The following SOX9 variants were observed in gnomAD, a reference collection of about 807,000 sequenced individuals.
SOX9 encodes the protein transcription factor SOX-9.
In SOX9, 2 loss-of-function variants were observed where a neutral mutation model predicts 44.8. The observed-to-expected ratio is 0.04, with a 90% confidence interval of 0.02 to 0.14. The LOEUF is 0.14. Ranked by LOEUF, SOX9 falls within the 10% of genes least tolerant of loss-of-function variation. The pLI is 1.00. For synonymous variants in SOX9, 381 were observed against 331.8 expected (o/e 1.15, Z -1.61); for missense variants, 583 against 728.6 (o/e 0.80, Z 2.30).
Position 72,122,806 on chromosome 17 carries a change from G to A in SOX9, c.519G>A (p.Lys173=), listed in dbSNP as rs202115157. Residue 173 remains lysine (K), a synonymous_variant, in exon 2 of 3, where the codon AAG becomes AAA. Transcript: ENST00000245479. ...VQHKKDHPDY[K]YQPRRRKSVK... ...ACAAGAAGGACCACCCGGATTACAA[G>A]TACCAGCCGCGGCGGAGGAAGTCGG... 3.3e-5 allele frequency: 53 copies of A among 1,614,166 alleles called. 1 individual carries two copies. In the East Asian group the frequency reaches 1.1e-3, roughly 35 times the overall value.
In SOX9 at chr17:72,124,601, A is replaced by G; in HGVS notation, c.*214A>G. ...ACACAAACATGACCTATCCAAGCGC[A>G]TTACCCACTTGTGGCCAATCAGTGG... On this transcript the variant is annotated 3_prime_UTR_variant, in exon 3 of 3. Coordinates refer to ENST00000245479, the MANE Select transcript of SOX9 (RefSeq NM_000346.4). The surrounding 1 kb of genome is among the most constrained non-coding windows in gnomAD (Gnocchi z 4.6). 3.1e-6 allele frequency: 2 copies of G among 651,620 alleles called. No individual in the cohort carries two copies. The highest frequency in any genetic ancestry group is 5.4e-6 in the Non-Finnish European group (2 of 372,920). The allele number at this position is 651,620 out of a possible 1,614,324, so 40.4% of individuals were successfully genotyped here. A position where few individuals can be genotyped will look rare whatever the true frequency, so the allele number is the denominator to read the frequency against.
Position 72,121,834 on chromosome 17 carries a change from C to CG in SOX9, c.431+17dup. ...GGCAAGCTCTGGAGGTAGGACCCGG[C>CG]GGGGGCGGCGCGGCAGGGTGGGCAT... On this transcript the variant is annotated intron_variant, in intron 1 of 2. Transcript: ENST00000245479. The surrounding 1 kb of genome is among the most constrained non-coding windows in gnomAD (Gnocchi z 8.3). 1 of 1,547,738 alleles carries CG rather than the reference C, an allele frequency of 6.5e-7. No homozygotes were observed. The highest frequency in any genetic ancestry group is 8.7e-7 in the Non-Finnish European group (1 of 1,146,650).
rs139253700 is a variant in SOX9 at position 72,124,114 on chromosome 17, C to T, written c.1257C>T (p.Ala419=). The T allele has an allele frequency of 6.2e-7, 1 of 1,613,726 alleles. No individual in the cohort carries two copies. Among genetic ancestry groups the T allele is most frequent in the African/African-American group, 1.3e-5 (1 of 74,954 alleles). Residue 419 remains alanine, a synonymous_variant, in exon 3 of 3, where the codon GCC becomes GCT. Coordinates refer to ENST00000245479, the MANE Select transcript of SOX9 (RefSeq NM_000346.4). The surrounding 1 kb of genome is among the most constrained non-coding windows in gnomAD (Gnocchi z 4.6). ...EQQQHSPQQI[A]YSPFNLPHYS... The stretch of plus-strand genomic sequence containing the variant: ...AGCAGCACTCGCCCCAACAGATCGC[C>T]TACAGCCCCTTCAACCTCCCACACT...
rs62070123 is a variant in SOX9 at position 72,125,923 on chromosome 17, T to G, written c.*1536T>G. On this transcript the variant is annotated 3_prime_UTR_variant, in exon 3 of 3. Transcript: ENST00000245479. ...TGTGTGTGTGTGGGTGTGTGTGTGT[T>G]TTGACACAAAAACAATGCAAGCATG... 1 of 232,438 alleles carries G rather than the reference T, an allele frequency of 4.3e-6. No individual in the cohort carries two copies. The highest frequency in any genetic ancestry group is 8.5e-6 in the Non-Finnish European group (1 of 117,506). The allele number at this position is 232,438 out of a possible 1,614,324, so 14.4% of individuals were successfully genotyped here. A position where few individuals can be genotyped will look rare whatever the true frequency, so the allele number is the denominator to read the frequency against.
In SOX9 at chr17:72,126,404, A is replaced by G. The variant is rs1399014913; in HGVS notation, c.*2017A>G. The stretch of plus-strand genomic sequence containing the variant: ...ATATTATTGTTTACAATAAATATAC[A>G]TTGCATTAAAAAGAAAGTGGCCCTG... On this transcript the variant is annotated 3_prime_UTR_variant, in exon 3 of 3. Coordinates refer to ENST00000245479, the MANE Select transcript of SOX9 (RefSeq NM_000346.4). 3 of 226,168 alleles carry G rather than the reference A, an allele frequency of 1.3e-5. No homozygotes were observed. Among genetic ancestry groups the G allele is most frequent in the African/African-American group, 6.8e-5 (3 of 44,328 alleles). The allele number at this position is 226,168 out of a possible 1,614,324, so 14.0% of individuals were successfully genotyped here.
intron 1 of SOX9, among the ~76,000 whole-genome samples, chr17:72,122,455 G>A (rs1245365393): frequency 7.6e-6 from 1 of 131,956 alleles, no homozygotes; most frequent in Non-Finnish European, 1.6e-5. Context: ...TTCATCTCCA[G>A]CGTTTCCAAA....
At position 72,124,769 on chromosome 17, in the gene SOX9, A is replaced by G; in HGVS notation, c.*382A>G. On this transcript the variant is annotated 3_prime_UTR_variant, in exon 3 of 3. Transcript: ENST00000245479. This position sits in a 1 kb window ranked among gnomAD's most constrained non-coding sequence, Gnocchi z 4.6. ...CTCTGCCTGTTTGGACTTTGTAATT[A>G]TTTTTTTAGCAGTAATTAAAGAAAA... 1 of 387,868 alleles carries G rather than the reference A, an allele frequency of 2.6e-6. No homozygotes were observed. Among genetic ancestry groups the G allele is most frequent in the Non-Finnish European group, 4.7e-6 (1 of 211,212 alleles). The allele number at this position is 387,868 out of a possible 1,614,324, so 24.0% of individuals were successfully genotyped here.
rs1356174793 is a variant in SOX9 at position 72,125,039 on chromosome 17, A to T, written c.*652A>T. 2.2e-5 allele frequency: 5 copies of T among 227,334 alleles called. No individual in the cohort carries two copies. The highest frequency in any genetic ancestry group is 3.5e-5 in the Non-Finnish European group (4 of 114,122). 14.1% of individuals were successfully genotyped at this position (227,334 alleles called of 1,614,324 possible). ...AAAATCCTGTTGTATTAACATTTAAAAACAGAATTGTGTTATGTGATCAGT... is the reference window on the plus strand; with the variant it reads ...AAAATCCTGTTGTATTAACATTTAATAACAGAATTGTGTTATGTGATCAGT... On this transcript the variant is annotated 3_prime_UTR_variant, in exon 3 of 3. Coordinates refer to ENST00000245479, the MANE Select transcript of SOX9 (RefSeq NM_000346.4).
chr17:72,125,043 A>G lies in SOX9; in HGVS notation c.*656A>G, dbSNP rs1908240459. On this transcript the variant is annotated 3_prime_UTR_variant, in exon 3 of 3. Transcript: ENST00000245479. ...TCCTGTTGTATTAACATTTAAAAACAGAATTGTGTTATGTGATCAGTTTTG... is the reference window on the plus strand; with the variant it reads ...TCCTGTTGTATTAACATTTAAAAACGGAATTGTGTTATGTGATCAGTTTTG... 2 of 227,082 alleles carry G rather than the reference A, an allele frequency of 8.8e-6. No homozygotes were observed. Among genetic ancestry groups the G allele is most frequent in the Non-Finnish European group, 1.8e-5 (2 of 113,990 alleles). 14.1% of individuals were successfully genotyped at this position (227,082 alleles called of 1,614,324 possible).
Position 72,125,648 on chromosome 17 carries a change from T to C in SOX9, c.*1261T>C, listed in dbSNP as rs1363315231. The C allele has an allele frequency of 1.8e-5, 4 of 228,362 alleles. 1 individual carries two copies. The highest frequency in any genetic ancestry group is 1.1e-4 in the Admixed American group (2 of 17,580). The allele number at this position is 228,362 out of a possible 1,614,324, so 14.1% of individuals were successfully genotyped here. ...GTCATCTGTTGTTAAATTATGTTCT[T>C]AACTGTAACCAGTTTTTTTTTATTT... is the stretch of plus-strand genomic sequence containing the variant. On this transcript the variant is annotated 3_prime_UTR_variant, in exon 3 of 3. Transcript: ENST00000245479.
In SOX9 at chr17:72,123,893, C is replaced by G. The variant is rs1462690222; in HGVS notation, c.1036C>G (p.Pro346Ala). The G allele has an allele frequency of 3.4e-6, 5 of 1,465,348 alleles. No individual in the cohort carries two copies. The highest frequency in any genetic ancestry group is 4.5e-6 in the Non-Finnish European group (5 of 1,110,908). The allele number at this position is 1,465,348 out of a possible 1,614,324, so 90.8% of individuals were successfully genotyped here. ...CAAGCAGCAGGCGCCGCCGCCACCC[C>G]CGCAGCAGCCCCCACAGGCCCCGCC... Reference protein sequence around the residue: ...MSKQQAPPPPPQQPPQAPPAP... With the variant: ...MSKQQAPPPPAQQPPQAPPAP... Residue 346 changes from proline to alanine, a missense_variant, in exon 3 of 3, where the codon CCG becomes GCG. By Grantham distance (27) the Pro-to-Ala change is conservative (BLOSUM62 -1). Transcript: ENST00000245479. This position sits in a 1 kb window ranked among gnomAD's most constrained non-coding sequence, Gnocchi z 6.5.
Position 72,123,674 on chromosome 17 carries a change from G to C in SOX9, c.817G>C (p.Val273Leu), listed in dbSNP as rs201477430. 3.7e-5 allele frequency: 60 copies of C among 1,611,884 alleles called. 1 individual carries two copies. Among genetic ancestry groups the C allele is most frequent in the Middle Eastern group, 3.3e-4 (2 of 6,052 alleles). ...GRQPPIDFRD[V>L]DIGELSSDVI... is the part of the protein sequence containing the mutation. ...ACAGCCCCCTATCGACTTCCGCGAC[G>C]TGGACATCGGCGAGCTGAGCAGCGA... Residue 273 changes from valine to leucine, a missense_variant, in exon 3 of 3, where the codon GTG (valine) becomes CTG (leucine). Transcript: ENST00000245479. The surrounding 1 kb of genome is among the most constrained non-coding windows in gnomAD (Gnocchi z 6.5).
Position 72,125,868 on chromosome 17 carries a change from T to C in SOX9, c.*1481T>C, listed in dbSNP as rs1908268988. The C allele has an allele frequency of 4.3e-6, 1 of 232,490 alleles. No homozygotes were observed. The highest frequency in any genetic ancestry group is 8.5e-6 in the Non-Finnish European group (1 of 117,394). The allele number at this position is 232,490 out of a possible 1,614,324, so 14.4% of individuals were successfully genotyped here. A position where few individuals can be genotyped will look rare whatever the true frequency, so the allele number is the denominator to read the frequency against. The stretch of plus-strand genomic sequence containing the variant: ...TCACTGAGTCATTTGCAGTGTTTTC[T>C]GCCACAGACCTTTGGGCTGCCTTAT... On this transcript the variant is annotated 3_prime_UTR_variant, in exon 3 of 3. Coordinates refer to ENST00000245479, the MANE Select transcript of SOX9 (RefSeq NM_000346.4).
Position 72,123,793 on chromosome 17 carries a change from G to A in SOX9, c.936G>A (p.Gln312=), listed in dbSNP as rs2143252549. The change falls in exon 3 of 3, where the codon CAG becomes CAA. Residue 312 remains glutamine (Q), a synonymous_variant. Coordinates refer to ENST00000245479, the MANE Select transcript of SOX9 (RefSeq NM_000346.4). The surrounding 1 kb of genome is among the most constrained non-coding windows in gnomAD (Gnocchi z 6.5). ...CGGGGGTGCCGGCCACGCACGGCCA[G>A]GTCACCTACACGGGCAGCTACGGCA... The part of the protein sequence containing the change: ...GHPGVPATHG[Q]VTYTGSYGIS... The A allele has an allele frequency of 2.5e-6, 4 of 1,612,810 alleles. No individual in the cohort carries two copies. The highest frequency in any genetic ancestry group is 1.7e-5 in the Admixed American group (1 of 59,998).
Position 72,122,840 on chromosome 17 carries a change from G to A in SOX9, c.553G>A (p.Gly185Arg), listed in dbSNP as rs754935813. The A allele has an allele frequency of 6.2e-7, 1 of 1,614,166 alleles. No individual in the cohort carries two copies. Among genetic ancestry groups the A allele is most frequent in the Non-Finnish European group, 8.5e-7 (1 of 1,180,034 alleles). The change falls in exon 2 of 3, where the codon GGG becomes AGG. Residue 185 changes from glycine (G) to arginine (R), a missense_variant. This residue lies in a region of SOX9 where 88 missense variants were observed against 65.5 expected (regional missense o/e 1.34). Transcript: ENST00000245479. ...QPRRRKSVKN[G>R]QAEAEEATEQ... ...GCGGCGGAGGAAGTCGGTGAAGAACGGGCAGGCGGAGGCAGAGGAGGCCAC... is the reference window on the plus strand; with the variant it reads ...GCGGCGGAGGAAGTCGGTGAAGAACAGGCAGGCGGAGGCAGAGGAGGCCAC...
Position 72,122,619 on chromosome 17 carries a change from G to T in SOX9, c.432-100G>T, listed in dbSNP as rs1368060595. On this transcript the variant is annotated intron_variant, in intron 1 of 2. Coordinates refer to ENST00000245479, the MANE Select transcript of SOX9 (RefSeq NM_000346.4). ...AGTTGTGTGCAGAGGAAGCCGAGTG[G>T]TCTGGGTCGCCGCCTCCTCCCCGCC... 1.6e-5 allele frequency: 18 copies of T among 1,157,598 alleles called. No homozygotes were observed. In the Admixed American group the frequency reaches 3.4e-4, roughly 22 times the overall value. 71.7% of individuals were successfully genotyped at this position (1,157,598 alleles called of 1,614,324 possible).
chr17:72,124,023 C>T lies in SOX9; in HGVS notation c.1166C>T (p.Pro389Leu). 1.2e-6 allele frequency: 2 copies of T among 1,608,154 alleles called. No individual in the cohort carries two copies. Among genetic ancestry groups the T allele is most frequent in the Non-Finnish European group, 8.5e-7 (1 of 1,177,108 alleles). ...AHTLTTLSSE[P>L]GQSQRTHIKT... Reference sequence around the variant, plus strand: ...ACGCTGACCACGCTGAGCAGCGAGCCGGGCCAGTCCCAGCGAACGCACATC... The same window carrying T: ...ACGCTGACCACGCTGAGCAGCGAGCTGGGCCAGTCCCAGCGAACGCACATC... The change falls in exon 3 of 3, where the codon CCG (proline) becomes CTG (leucine). Residue 389 changes from proline (P) to leucine (L), a missense_variant. This residue lies in a region of SOX9 where 349 missense variants were observed against 387.0 expected (regional missense o/e 0.90). Coordinates refer to ENST00000245479, the MANE Select transcript of SOX9 (RefSeq NM_000346.4). This position sits in a 1 kb window ranked among gnomAD's most constrained non-coding sequence, Gnocchi z 4.6.
At position 72,124,882 on chromosome 17, in the gene SOX9, T is replaced by C; in HGVS notation, c.*495T>C. 1 of 241,990 alleles carries C rather than the reference T, an allele frequency of 4.1e-6. No homozygotes were observed. 15.0% of individuals were successfully genotyped at this position (241,990 alleles called of 1,614,324 possible). ...TTACCATTTTGAGGGGATTTATACA[T>C]ATTTTTAGATAAAATTAAATGCTCT... On this transcript the variant is annotated 3_prime_UTR_variant, in exon 3 of 3. Coordinates refer to ENST00000245479, the MANE Select transcript of SOX9 (RefSeq NM_000346.4). This position sits in a 1 kb window ranked among gnomAD's most constrained non-coding sequence, Gnocchi z 4.6.
rs768818630 is a variant in SOX9, at chr17:72,123,890, C to T, written c.1033C>T (p.Pro345Ser). The part of the protein sequence containing the change: ...WMSKQQAPPP[P>S]PQQPPQAPPA... ...GTCCAAGCAGCAGGCGCCGCCGCCACCCCCGCAGCAGCCCCCACAGGCCCC... is the reference window on the plus strand; with the variant it reads ...GTCCAAGCAGCAGGCGCCGCCGCCATCCCCGCAGCAGCCCCCACAGGCCCC... The change falls in exon 3 of 3, where the codon CCC becomes TCC. Residue 345 changes from proline (P) to serine (S), a missense_variant. Coordinates refer to ENST00000245479, the MANE Select transcript of SOX9 (RefSeq NM_000346.4). This position sits in a 1 kb window ranked among gnomAD's most constrained non-coding sequence, Gnocchi z 6.5. 725 of 1,482,230 alleles carry T rather than the reference C, an allele frequency of 4.9e-4. 1 individual carries two copies. The highest frequency in any genetic ancestry group is 5.9e-4 in the Non-Finnish European group (664 of 1,118,040). The allele number at this position is 1,482,230 out of a possible 1,614,324, so 91.8% of individuals were successfully genotyped here.
Sources: gnomAD v4.1 joint callset for allele counts (sites outside exome capture counted in the v4.1 genomes callset) on GRCh38, gnomAD v4.1.1 for gene constraint, gnomAD v4.1.1 regional missense constraint, Gnocchi (gnomAD v3.1) non-coding constraint, MANE v1.5 for transcripts, NCBI Gene and HGNC (gene_info 2026-07-23, HGNC 2026-07-21) for gene names.